The following KLHDC1 variants were observed in gnomAD, a reference collection of about 807,000 sequenced individuals.
KLHDC1 encodes the protein kelch domain containing 1, also known as kelch domain-containing protein 1.
KLHDC1 carries 53 observed loss-of-function variants against 68.3 expected under a neutral mutation model. The ratio of observed to expected loss-of-function variants is 0.78; its 90% CI spans 0.62 to 0.98. The LOEUF is 0.98. Among genes scored for constraint, KLHDC1 ranks in the 50% least tolerant of loss-of-function variants. The pLI is 0.00. For missense variants in KLHDC1, 470 were observed against 492.3 expected (o/e 0.95, Z 0.43); for synonymous variants, 148 against 159.0 (o/e 0.93, Z 0.52).
chr14:49,736,167 C>G (rs968864650), intron 10 of KLHDC1, among the ~76,000 whole-genome samples: 2 of 152,008 alleles, frequency 1.3e-5, no homozygotes. Context: ...TAAAATTGCT[C>G]CTATTTTATA....
At chr14:49,707,157 G>A (rs1301684554) in intron 1 of KLHDC1, among the ~76,000 whole-genome samples, 3 of 151,826 alleles carry the variant, frequency 2.0e-5, no homozygotes, top group Admixed American at 2.0e-4. Flanking sequence ...TGTGATTTTT[G>A]TATATGGTGA....
Position 49,714,984 on chromosome 14 carries a change from A to G in KLHDC1, c.404+4603A>G, listed in dbSNP as rs1888332639. ...TATATGGAAATTATATATATACTTT[A>G]TTTCCATATATATAGAAACTTATTT... is the stretch of plus-strand genomic sequence containing the variant. On this transcript the variant is annotated intron_variant, in intron 4 of 12. Transcript: ENST00000359332. 2.0e-5 allele frequency among the ~76,000 whole-genome samples: 3 copies of G among 146,792 alleles called. No individual in the cohort carries two copies. The Admixed American group carries it at 2.1e-4, about 10-fold the overall frequency.
intron 1 of KLHDC1, among the ~76,000 whole-genome samples, chr14:49,703,310 G>A (rs1176878557): frequency 6.6e-6 from 1 of 150,418 alleles, no homozygotes; most frequent in Non-Finnish European, 1.5e-5. Context: ...TATATTATTT[G>A]GTTTTGAATC....
intron 6 of KLHDC1, among the ~76,000 whole-genome samples, chr14:49,727,884 T>G (rs1169119069): frequency 6.6e-6 from 1 of 152,180 alleles, no homozygotes; most frequent in East Asian, 1.9e-4. Flanking sequence ...GCCAGTGAGC[T>G]GAAAATGTCA....
In KLHDC1 at chr14:49,734,642, T is replaced by G. The variant is rs1268024823; in HGVS notation, c.877T>G (p.Leu293Val). ...TTNCWKQLTHLPKTRPRLWHT... is the reference protein window; with the variant it reads ...TTNCWKQLTHVPKTRPRLWHT... ...AAATTGTTGGAAACAACTTACACAT[T>G]TACCTAAAACAAGACCTAGGTAAGT... The change falls in exon 10 of 13, where the codon TTA (leucine) becomes GTA (valine). Residue 293 changes from leucine to valine, a missense_variant. Leu to Val is a conservative substitution (Grantham distance 32). Coordinates refer to ENST00000359332, the MANE Select transcript of KLHDC1 (RefSeq NM_172193.3). The G allele has an allele frequency of 6.3e-7, 1 of 1,591,634 alleles. No individual in the cohort carries two copies. Among genetic ancestry groups the G allele is most frequent in the East Asian group, 2.3e-5 (1 of 44,188 alleles).
intron 3 of KLHDC1, 115 bp from the exon 4 acceptor site, chr14:49,710,148 A>G (rs1888160631): frequency 3.3e-6 from 2 of 601,256 alleles, no homozygotes; most frequent in Admixed American, 5.8e-5. Context: ...TTAATAGGTA[A>G]CAAGCTTACC....
intron 5 of KLHDC1, 52 bp downstream of exon 5, chr14:49,724,004 CATCTTAGAA>C (rs1353104524): frequency 3.0e-6 from 3 of 998,140 alleles, no homozygotes; most frequent in African/African-American, 1.6e-5. Context: ...ATAGCCTTAA[CATCTTAGAA>C]ATAATGAGTC....
chr14:49,713,821 TATATATATATATATATATATA>T lies in KLHDC1; in HGVS notation c.404+3441_404+3461del, dbSNP rs1566602798. The stretch of plus-strand genomic sequence containing the variant: ...AGGTATATATATATATATATATATA[TATATATATATATATATATATA>T]TATATATATTTTTTTTTTTTTTTTT... On this transcript the variant is annotated intron_variant, in intron 4 of 12. Transcript: ENST00000359332. 3.5e-3 allele frequency among the ~76,000 whole-genome samples: 11 copies of T among 3,162 alleles called. 1 individual carries two copies. Among genetic ancestry groups the T allele is most frequent in the African/African-American group, 4.6e-3 (9 of 1,938 alleles). 2.1% of individuals were successfully genotyped at this position (3,162 alleles called of 152,430 possible). A position where few individuals can be genotyped will look rare whatever the true frequency, so the allele number is the denominator to read the frequency against.
At chr14:49,730,480 A>G (rs920015342) in intron 8 of KLHDC1, among the ~76,000 whole-genome samples, 2 of 152,048 alleles carry the variant, frequency 1.3e-5, no homozygotes, top group African/African-American at 4.8e-5. Flanking sequence ...TTGGCCTCCC[A>G]AAGTGCTGGG....
At position 49,729,687 on chromosome 14, in the gene KLHDC1, G is replaced by A. The variant is rs1594673022; in HGVS notation, c.710+139G>A. On this transcript the variant is annotated intron_variant, in intron 8 of 12. Transcript: ENST00000359332. ...CGTATGTCTAAGCAAGGACTATATA[G>A]ATTTAAATAGAGTTTGTTCCTTAAC... The A allele has an allele frequency of 5.3e-6, 3 of 564,458 alleles. No individual in the cohort carries two copies. In the East Asian group the frequency reaches 9.3e-5, roughly 17 times the overall value. 35.0% of individuals were successfully genotyped at this position (564,458 alleles called of 1,614,324 possible). A position where few individuals can be genotyped will look rare whatever the true frequency, so the allele number is the denominator to read the frequency against.
intron 11 of KLHDC1, among the ~76,000 whole-genome samples, chr14:49,742,196 G>C (rs1468029210): frequency 1.3e-5 from 2 of 152,102 alleles, no homozygotes; most frequent in African/African-American, 4.8e-5. Context: ...CTTCATTTAG[G>C]ATACAAAGTT....
intron 10 of KLHDC1, among the ~76,000 whole-genome samples, chr14:49,736,672 C>T (rs1888936926): frequency 6.6e-6 from 1 of 152,180 alleles, no homozygotes; most frequent in Admixed American, 6.5e-5. Context: ...AACTCTACAG[C>T]TAGGTTTCTC....
intron 4 of KLHDC1, among the ~76,000 whole-genome samples, chr14:49,712,891 T>C (rs1304971918): frequency 1.3e-5 from 2 of 151,488 alleles, no homozygotes; most frequent in East Asian, 3.9e-4. Context: ...CCACCCACCT[T>C]GGCCTCCGAA....
chr14:49,749,046 G>T (rs534801061), intron 12 of KLHDC1, among the ~76,000 whole-genome samples: 5 of 151,944 alleles, frequency 3.3e-5, no homozygotes, highest in Admixed American at 3.3e-4. Context: ...TGATCCTCCC[G>T]CCTCGGCCTC....
intron 12 of KLHDC1, among the ~76,000 whole-genome samples, chr14:49,749,483 C>G (rs1007203144): frequency 1.7e-4 from 26 of 151,928 alleles, no homozygotes; most frequent in African/African-American, 6.3e-4. Flanking sequence ...CAAGACTAGC[C>G]TGGCCAAGGT....
chr14:49,731,666 C>A (rs1360002615), intron 8 of KLHDC1, among the ~76,000 whole-genome samples: 2 of 151,878 alleles, frequency 1.3e-5, no homozygotes, highest in Non-Finnish European at 2.9e-5. Flanking sequence ...CATGCCCCGT[C>A]TCTTTTAAGT....
Position 49,741,691 on chromosome 14 carries a change from T to C in KLHDC1, c.981+1509T>C, listed in dbSNP as rs144572438. Among the ~76,000 whole-genome samples the C allele has an allele frequency of 1.9e-4, 29 of 152,306 alleles. No homozygotes were observed. The East Asian group carries it at 4.2e-3, about 22-fold the overall frequency. On this transcript the variant is annotated intron_variant, in intron 11 of 12. Transcript: ENST00000359332. Reference sequence around the variant, plus strand: ...TTTAAAGCATTTCAATTTTAAAATTTGATAAAACTAAGGTCAGAGGCATAA... The same window carrying C: ...TTTAAAGCATTTCAATTTTAAAATTCGATAAAACTAAGGTCAGAGGCATAA...
chr14:49,693,688 G>GATTCGAA (rs975256290), intron 1 of KLHDC1, among the ~76,000 whole-genome samples: 3 of 150,452 alleles, frequency 2.0e-5, no homozygotes, highest in Non-Finnish European at 3.0e-5. Context: ...CCCACGGCGC[G>GATTCGAA]ATTCGAAATA....
At chr14:49,728,102 G>A (rs1888716756) in intron 6 of KLHDC1, among the ~76,000 whole-genome samples, 1 of 152,090 alleles carries the variant, frequency 6.6e-6, no homozygotes, top group African/African-American at 2.4e-5. Context: ...CAGGCAGATC[G>A]CTCGAGGCCA....
Sources: allele counts gnomAD v4.1 joint callset (sites outside exome capture counted in the v4.1 genomes callset), GRCh38; gene constraint gnomAD v4.1.1; transcripts MANE v1.5; gene names NCBI Gene and HGNC (gene_info 2026-07-23, HGNC 2026-07-21).